SUCLG2: variants seen among roughly 807,000 people sequenced by gnomAD.
SUCLG2 encodes succinate--CoA ligase [GDP-forming] subunit beta, mitochondrial.
A neutral mutation model predicts 47.9 loss-of-function variants in SUCLG2; 42 were observed. That is an observed-to-expected ratio of 0.88 (90% CI 0.69 to 1.14). The LOEUF (loss-of-function observed/expected upper bound fraction) is 1.14, where lower values mean the gene tolerates loss of function less well. SUCLG2 is among the 50% of genes most tolerant of loss of function. The pLI is 0.00. For missense variants in SUCLG2, 571 were observed against 525.9 expected (o/e 1.09, Z -0.84); for synonymous variants, 195 against 197.3 (o/e 0.99, Z 0.10).
chr3:67,441,422 G>C (rs1436022580), intron 9 of SUCLG2, among the ~76,000 whole-genome samples: 2 of 151,792 alleles, frequency 1.3e-5, no homozygotes, highest in Non-Finnish European at 2.9e-5. Context: ...GTCTTGTCAT[G>C]TGTAGCCCTA....
chr3:67,590,891 A>T (rs953571139), intron 2 of SUCLG2, among the ~76,000 whole-genome samples: 1 of 142,770 alleles, frequency 7.0e-6, no homozygotes, highest in Non-Finnish European at 1.6e-5. Flanking sequence ...CAACTGTCTA[A>T]GACTTTGGAC....
chr3:67,466,257 G>C (rs563369103), intron 9 of SUCLG2, among the ~76,000 whole-genome samples: 3 of 152,294 alleles, frequency 2.0e-5, no homozygotes, highest in Admixed American at 6.5e-5. Context: ...GGAGGCTGAG[G>C]CAAGATAATT....
intron 6 of SUCLG2, among the ~76,000 whole-genome samples, chr3:67,511,498 G>T (rs901973236): frequency 1.1e-4 from 16 of 152,120 alleles, no homozygotes; most frequent in African/African-American, 3.6e-4. Flanking sequence ...ATAAAGGGGG[G>T]GTTCCTCTGC....
chr3:67,399,734 T>G (rs1456293696), intron 10 of SUCLG2, among the ~76,000 whole-genome samples: 1 of 152,202 alleles, frequency 6.6e-6, no homozygotes, highest in Non-Finnish European at 1.5e-5. Flanking sequence ...ACTCCCTTAA[T>G]GTGTAACACA....
At chr3:67,517,453 G>A (rs1705974530) in intron 6 of SUCLG2, among the ~76,000 whole-genome samples, 1 of 152,192 alleles carries the variant, frequency 6.6e-6, no homozygotes, top group South Asian at 2.1e-4. Context: ...ACAATCTAGG[G>A]CCATTAAGGT....
chr3:67,464,591 A>G (rs1294750863), intron 9 of SUCLG2, among the ~76,000 whole-genome samples: 1 of 152,242 alleles, frequency 6.6e-6, no homozygotes, highest in Non-Finnish European at 1.5e-5. Context: ...GTCAAAACTT[A>G]TAATTCCACT....
intron 9 of SUCLG2, among the ~76,000 whole-genome samples, chr3:67,484,910 G>C (rs1187982165): frequency 6.6e-6 from 1 of 152,162 alleles, no homozygotes. Context: ...ATCTTAAGAG[G>C]TTTTTGGTAA....
intron 2 of SUCLG2, among the ~76,000 whole-genome samples, chr3:67,598,321 T>TAA: frequency 6.6e-6 from 1 of 152,164 alleles, no homozygotes; most frequent in Non-Finnish European, 1.5e-5. Context: ...GGCTTCCTGT[T>TAA]AAAGACAGCT....
Position 67,375,627 on chromosome 3 carries a change from C to T in SUCLG2, c.*117G>A. 6.9e-7 allele frequency: 1 copy of T among 1,443,374 alleles called. No individual in the cohort carries two copies. The highest frequency in any genetic ancestry group is 9.1e-7 in the Non-Finnish European group (1 of 1,098,390). 89.4% of individuals were successfully genotyped at this position (1,443,374 alleles called of 1,614,324 possible). On this transcript the variant is annotated 3_prime_UTR_variant, in exon 11 of 11. Coordinates refer to ENST00000307227, the MANE Select transcript of SUCLG2 (RefSeq NM_003848.4). ...ACAGATTTAAGATTTTTCAGTGATT[C>T]TTGCCTTCCCCCTCCCCTTTTCTTC...
chr3:67,438,935 A>C (rs1402696651), intron 9 of SUCLG2, among the ~76,000 whole-genome samples: 1 of 152,186 alleles, frequency 6.6e-6, no homozygotes, highest in Admixed American at 6.5e-5. Context: ...ACACAATAAA[A>C]AAAGGAAATT....
intron 9 of SUCLG2, among the ~76,000 whole-genome samples, chr3:67,467,941 T>C (rs191100092): frequency 5.3e-5 from 8 of 152,212 alleles, no homozygotes; most frequent in Admixed American, 3.9e-4. Flanking sequence ...CTGAATAATA[T>C]AATGCATGCT....
intron 9 of SUCLG2, among the ~76,000 whole-genome samples, chr3:67,479,911 T>C (rs893985995): frequency 2.0e-5 from 3 of 152,226 alleles, no homozygotes; most frequent in Non-Finnish European, 4.4e-5. Flanking sequence ...ACTCTACCTA[T>C]TATCTGGAAG....
intron 10 of SUCLG2, among the ~76,000 whole-genome samples, chr3:67,377,626 G>A (rs144187350): frequency 6.6e-6 from 1 of 152,278 alleles, no homozygotes; most frequent in East Asian, 1.9e-4. Context: ...AGCCCTGGAA[G>A]TCACCTTTTT....
At chr3:67,427,338 G>C (rs377488783) in intron 9 of SUCLG2, among the ~76,000 whole-genome samples, 2 of 152,138 alleles carry the variant, frequency 1.3e-5, no homozygotes, top group Admixed American at 6.5e-5. Context: ...CTGAAGACCT[G>C]ATTTTATTGT....
chr3:67,435,973 A>G (rs1476431417), intron 9 of SUCLG2, among the ~76,000 whole-genome samples: 2 of 152,180 alleles, frequency 1.3e-5, no homozygotes, highest in Non-Finnish European at 2.9e-5. Context: ...CTGAAATTGT[A>G]TTTGCTATCC....
intron 9 of SUCLG2, among the ~76,000 whole-genome samples, chr3:67,431,527 G>A (rs9309789): frequency 0.032 from 4,921 of 152,154 alleles, 273 homozygotes; most frequent in African/African-American, 0.11. Context: ...AGAAAATGTG[G>A]CACATATACA....
intron 9 of SUCLG2, among the ~76,000 whole-genome samples, chr3:67,422,940 A>G (rs1340159239): frequency 6.6e-6 from 1 of 152,186 alleles, no homozygotes; most frequent in African/African-American, 2.4e-5. Flanking sequence ...AATGGAAGGT[A>G]GAATTATGTG....
At chr3:67,380,445 C>T (rs568033485) in intron 10 of SUCLG2, among the ~76,000 whole-genome samples, 32 of 152,258 alleles carry the variant, frequency 2.1e-4, no homozygotes, top group African/African-American at 7.2e-4. Context: ...TCCTTCAGTG[C>T]CATGTGAAAA....
intron 7 of SUCLG2, among the ~76,000 whole-genome samples, chr3:67,499,582 C>T (rs1452726589): frequency 1.3e-5 from 2 of 152,064 alleles, no homozygotes; most frequent in African/African-American, 4.8e-5. Context: ...TACAGATCTC[C>T]TATACATACA....
Sources: allele counts gnomAD v4.1 joint callset (sites outside exome capture counted in the v4.1 genomes callset), GRCh38; gene constraint gnomAD v4.1.1; transcripts MANE v1.5; gene names NCBI Gene and HGNC (gene_info 2026-07-23, HGNC 2026-07-21).